Variants in CAMTA1 observed in about 807,000 individuals in gnomAD.
The protein encoded by CAMTA1 is calmodulin-binding transcription activator 1.
CAMTA1 carries 27 observed loss-of-function variants against 170.9 expected under a neutral mutation model. The observed-to-expected ratio is 0.16, with a 90% CI of 0.12 to 0.22. The LOEUF is 0.22. CAMTA1 is among the 10% of genes least tolerant of loss of function. The pLI is 1.00. For synonymous variants in CAMTA1, 833 were observed against 891.5 expected (o/e 0.93, Z 1.17); for missense variants, 1,619 against 2,217.2 (o/e 0.73, Z 5.42).
At chr1:7,319,074 G>A (rs1179478554) in intron 5 of CAMTA1, among the ~76,000 whole-genome samples, 1 of 152,188 alleles carries the variant, frequency 6.6e-6, no homozygotes, top group African/African-American at 2.4e-5. Flanking sequence ...CCTTCATGGA[G>A]TCCTCAGTCT....
At chr1:7,055,847 T>C (rs1177069974) in intron 3 of CAMTA1, among the ~76,000 whole-genome samples, 1 of 152,248 alleles carries the variant, frequency 6.6e-6, no homozygotes, top group African/African-American at 2.4e-5. Flanking sequence ...CTTGATGAAG[T>C]ACTTCAGGGC....
At chr1:7,109,201 G>T (rs930090895) in intron 4 of CAMTA1, among the ~76,000 whole-genome samples, 1 of 152,232 alleles carries the variant, frequency 6.6e-6, no homozygotes, top group Admixed American at 6.5e-5. Context: ...TTTCTTAGAA[G>T]TGAGACATTA....
At chr1:7,408,858 G>A (rs1025027286) in intron 5 of CAMTA1, among the ~76,000 whole-genome samples, 1 of 152,178 alleles carries the variant, frequency 6.6e-6, no homozygotes, top group African/African-American at 2.4e-5. Flanking sequence ...CAGGGCCCAC[G>A]GTTCCCCCTC....
At position 7,251,365 on chromosome 1, in the gene CAMTA1, C is replaced by A. The variant is rs182445475; in HGVS notation, c.438+1739C>A. 6.6e-6 allele frequency among the ~76,000 whole-genome samples: 1 copy of A among 152,156 alleles called. No individual in the cohort carries two copies. Among genetic ancestry groups the A allele is most frequent in the African/African-American group, 2.4e-5 (1 of 41,434 alleles). On this transcript the variant is annotated intron_variant, in intron 5 of 22. Coordinates refer to ENST00000303635, the MANE Select transcript of CAMTA1 (RefSeq NM_015215.4). This position sits in a 1 kb window ranked among gnomAD's most constrained non-coding sequence, Gnocchi z 5.1. ...ATTTGTGTTTGGAGTTATTTGTGTG[C>A]TCATACTTGCAGGCAACAGTCTGTC...
At chr1:7,661,903 G>A (rs778375405) in intron 8 of CAMTA1, 37 bp downstream of exon 8, 1 of 1,565,590 alleles carries the variant, frequency 6.4e-7, no homozygotes, top group South Asian at 1.2e-5. Context: ...GGCGCCACGG[G>A]GACAGAGGGG....
At chr1:6,951,391 A>G (rs959134860) in intron 3 of CAMTA1, among the ~76,000 whole-genome samples, 5 of 152,168 alleles carry the variant, frequency 3.3e-5, no homozygotes, top group African/African-American at 7.2e-5. Context: ...GAACTATTCC[A>G]TATCTCACAG....
At chr1:7,078,677 G>A (rs1639631518) in intron 3 of CAMTA1, among the ~76,000 whole-genome samples, 1 of 152,216 alleles carries the variant, frequency 6.6e-6, no homozygotes, top group Non-Finnish European at 1.5e-5. Flanking sequence ...TACAAACAAT[G>A]ATAAAACTGG....
intron 3 of CAMTA1, among the ~76,000 whole-genome samples, chr1:6,964,224 C>A (rs139886445): frequency 2.6e-5 from 4 of 151,478 alleles, no homozygotes; most frequent in Non-Finnish European, 5.9e-5. Flanking sequence ...AGGGGTGCAG[C>A]GTCCTGGAGG....
intron 5 of CAMTA1, among the ~76,000 whole-genome samples, chr1:7,263,488 G>A (rs1395579365): frequency 1.3e-5 from 2 of 152,142 alleles, no homozygotes; most frequent in South Asian, 2.1e-4. Flanking sequence ...ACATTTTTGG[G>A]TTTTGTTTTT....
intron 5 of CAMTA1, among the ~76,000 whole-genome samples, chr1:7,408,796 C>G (rs997308523): frequency 1.3e-5 from 2 of 152,204 alleles, no homozygotes; most frequent in African/African-American, 2.4e-5. Context: ...GTTCATCTCT[C>G]TGAATTGGCA....
intron 6 of CAMTA1, among the ~76,000 whole-genome samples, chr1:7,571,074 A>C (rs1054490043): frequency 6.6e-6 from 1 of 152,196 alleles, no homozygotes; most frequent in East Asian, 1.9e-4. Context: ...ATGGAAAACA[A>C]AGTGTCTTAG....
intron 6 of CAMTA1, among the ~76,000 whole-genome samples, chr1:7,473,722 A>T (rs1271894200): frequency 6.6e-6 from 1 of 152,164 alleles, no homozygotes; most frequent in Non-Finnish European, 1.5e-5. Flanking sequence ...CAGCCAACAG[A>T]GAAGAGAGTA....
In CAMTA1 at chr1:7,674,592, G is replaced by A. The variant is rs562566306; in HGVS notation, c.2780-3007G>A. 5.3e-5 allele frequency among the ~76,000 whole-genome samples: 8 copies of A among 152,076 alleles called. No homozygotes were observed. The highest frequency in any genetic ancestry group is 3.4e-3 in the Middle Eastern group (1 of 294). On this transcript the variant is annotated intron_variant, in intron 10 of 22. Transcript: ENST00000303635. This position sits in a 1 kb window ranked among gnomAD's most constrained non-coding sequence, Gnocchi z 4.1. ...TCAGGAGTTCGAGACCAGCCTGACC[G>A]ACATGGTGAAACCCCGTCTCTACTA...
intron 3 of CAMTA1, among the ~76,000 whole-genome samples, chr1:6,881,175 G>GTA (rs948584229): frequency 2.0e-4 from 30 of 152,234 alleles, no homozygotes; most frequent in Admixed American, 1.6e-3. Context: ...AATCACTGTG[G>GTA]TATTTTGTTT....
chr1:6,786,834 C>G (rs1299211072), intron 1 of CAMTA1, among the ~76,000 whole-genome samples: 3 of 152,126 alleles, frequency 2.0e-5, no homozygotes, highest in African/African-American at 7.2e-5. Context: ...TCCATTGTGC[C>G]TAGTGCTTGA....
intron 5 of CAMTA1, among the ~76,000 whole-genome samples, chr1:7,361,545 G>T (rs2085533819): frequency 6.6e-6 from 1 of 152,200 alleles, no homozygotes; most frequent in Non-Finnish European, 1.5e-5. Flanking sequence ...CCTGCTAGCT[G>T]TGTAGAAGGA....
At chr1:7,366,010 G>T (rs989981619) in intron 5 of CAMTA1, among the ~76,000 whole-genome samples, 1 of 152,184 alleles carries the variant, frequency 6.6e-6, no homozygotes, top group Non-Finnish European at 1.5e-5. Context: ...CGAGCCCACT[G>T]TGTCATGAAT....
intron 5 of CAMTA1, among the ~76,000 whole-genome samples, chr1:7,305,577 A>G (rs1675458820): frequency 6.6e-6 from 1 of 152,048 alleles, no homozygotes; most frequent in South Asian, 2.1e-4. Context: ...CAACGTTGCC[A>G]TTCATTACTT....
At chr1:7,648,485 T>C (rs1308737709) in intron 7 of CAMTA1, among the ~76,000 whole-genome samples, 2 of 151,700 alleles carry the variant, frequency 1.3e-5, no homozygotes, top group Non-Finnish European at 1.5e-5. Flanking sequence ...AGTGGGGGGA[T>C]CAGCCCCGGG....
Sources: allele counts gnomAD v4.1 joint callset (sites outside exome capture counted in the v4.1 genomes callset), GRCh38; gene constraint gnomAD v4.1.1; non-coding constraint Gnocchi (gnomAD v3.1); transcripts MANE v1.5; gene names NCBI Gene and HGNC (gene_info 2026-07-23, HGNC 2026-07-21).